TMEM123: variants seen among roughly 807,000 people sequenced by gnomAD.
The protein encoded by TMEM123 is porimin.
TMEM123 carries 16 observed loss-of-function variants against 19.7 expected under a neutral mutation model. The ratio of observed to expected loss-of-function variants is 0.81; its 90% CI spans 0.55 to 1.23. TMEM123 has a LOEUF of 1.23. Ranked by LOEUF, TMEM123 falls within the 50% of genes most tolerant of loss-of-function variation. The probability of loss-of-function intolerance (pLI) is 0.00; values close to 1 mark genes in which losing one functional copy is unlikely to be tolerated. For synonymous variants in TMEM123, 118 were observed against 99.4 expected, an observed-to-expected ratio of 1.19 and a Z score of -1.12; for missense variants, 313 against 257.8, an observed-to-expected ratio of 1.21 and a Z score of -1.47.
chr11:102,403,304 C>T (rs1951928573), intron 2 of TMEM123, among the ~76,000 whole-genome samples: 1 of 152,228 alleles, frequency 6.6e-6, no homozygotes, highest in South Asian at 2.1e-4. Context: ...GCCACCGTGC[C>T]CGGCCAATAC....
At chr11:102,436,723 G>GACA (rs1857766483) in intron 2 of TMEM123, among the ~76,000 whole-genome samples, 1 of 147,420 alleles carries the variant, frequency 6.8e-6, no homozygotes, top group African/African-American at 2.4e-5. Flanking sequence ...ACATGATGGG[G>GACA]TAAGTCATCA....
intron 2 of TMEM123, among the ~76,000 whole-genome samples, chr11:102,424,392 A>T (rs1033200107): frequency 1.3e-5 from 2 of 152,232 alleles, no homozygotes; most frequent in Non-Finnish European, 2.9e-5. Flanking sequence ...ACAGATTTGA[A>T]AATAAACTCA....
At chr11:102,403,146 G>A (rs1951927419) in intron 2 of TMEM123, among the ~76,000 whole-genome samples, 1 of 152,092 alleles carries the variant, frequency 6.6e-6, no homozygotes, top group Admixed American at 6.5e-5. Flanking sequence ...GAGTAGCTGG[G>A]ATTACAGGTG....
chr11:102,405,203 C>T (rs1046826805), intron 2 of TMEM123, among the ~76,000 whole-genome samples: 16 of 151,996 alleles, frequency 1.1e-4, no homozygotes, highest in African/African-American at 3.4e-4. Context: ...CGCCCACCAC[C>T]ACGCCTGGCT....
chr11:102,400,035 G>C (rs1364136031), intron 4 of TMEM123, among the ~76,000 whole-genome samples: 1 of 152,106 alleles, frequency 6.6e-6, no homozygotes, highest in Non-Finnish European at 1.5e-5. Flanking sequence ...ATAACTGTTA[G>C]ATCCAATTTT....
intron 2 of TMEM123, among the ~76,000 whole-genome samples, chr11:102,416,159 C>T (rs1373203162): frequency 6.6e-6 from 1 of 152,230 alleles, no homozygotes; most frequent in Non-Finnish European, 1.5e-5. Context: ...AGGTGATCCA[C>T]TCACCCTGGC....
chr11:102,439,149 C>G (rs1857797404), intron 2 of TMEM123, among the ~76,000 whole-genome samples: 1 of 152,154 alleles, frequency 6.6e-6, no homozygotes, highest in Admixed American at 6.5e-5. Flanking sequence ...TCTGTAGATT[C>G]CACCTCTGGG....
intron 1 of TMEM123, 193 bp from the exon 2 acceptor site, chr11:102,449,061 G>C (rs1857912349): frequency 1.9e-6 from 1 of 533,438 alleles, no homozygotes; most frequent in East Asian, 3.3e-5. Flanking sequence ...TGTATTACCA[G>C]GTTTTTCAAG....
intron 1 of TMEM123, among the ~76,000 whole-genome samples, chr11:102,451,990 G>T (rs1055647560): frequency 3.9e-5 from 6 of 152,222 alleles, no homozygotes; most frequent in Admixed American, 1.3e-4. Context: ...AGCTCCAAGA[G>T]CCCCGAAGTC....
At chr11:102,444,438 G>A (rs117983416) in intron 2 of TMEM123, among the ~76,000 whole-genome samples, 6,875 of 150,842 alleles carry the variant, frequency 0.046, 216 homozygotes, top group Non-Finnish European at 0.073. Flanking sequence ...AGCAAACTAC[G>A]GCAAGGAAGA....
intron 2 of TMEM123, among the ~76,000 whole-genome samples, chr11:102,426,962 T>C (rs1274107195): frequency 1.3e-5 from 2 of 149,880 alleles, no homozygotes; most frequent in Non-Finnish European, 3.0e-5. Context: ...AGTTCTATAG[T>C]TGGGATATTG....
chr11:102,409,219 A>T lies in TMEM123; in HGVS notation c.158-7013T>A, dbSNP rs150058502. ...CCTAGTATAGTTGTCAAAAGTACTAAGCTATTCAAGACATAAACCATAAAT... is the reference window on the plus strand; with the variant it reads ...CCTAGTATAGTTGTCAAAAGTACTATGCTATTCAAGACATAAACCATAAAT... On this transcript the variant is annotated intron_variant, in intron 2 of 4. Transcript: ENST00000398136. Among the ~76,000 whole-genome samples the T allele has an allele frequency of 6.5e-3, 986 of 152,300 alleles. 17 individuals are homozygous for T. The highest frequency in any genetic ancestry group is 0.022 in the African/African-American group (932 of 41,570).
intron 2 of TMEM123, among the ~76,000 whole-genome samples, chr11:102,436,284 T>G (rs1394059329): frequency 6.6e-6 from 1 of 151,916 alleles, no homozygotes; most frequent in Non-Finnish European, 1.5e-5. Flanking sequence ...TGCCTCAGCC[T>G]TCAGAGTAGC....
At chr11:102,399,192 C>T (rs563581335) in intron 4 of TMEM123, among the ~76,000 whole-genome samples, 27 of 152,296 alleles carry the variant, frequency 1.8e-4, no homozygotes, top group Non-Finnish European at 1.8e-4. Flanking sequence ...TGCTTATAAT[C>T]CCAGAACTCT....
At chr11:102,441,398 A>G (rs1356854044) in intron 2 of TMEM123, among the ~76,000 whole-genome samples, 1 of 152,174 alleles carries the variant, frequency 6.6e-6, no homozygotes, top group Non-Finnish European at 1.5e-5. Context: ...CTCACTCAAA[A>G]CCGCTCAACT....
chr11:102,425,649 T>G (rs1250954792), intron 2 of TMEM123, among the ~76,000 whole-genome samples: 1 of 150,440 alleles, frequency 6.6e-6, no homozygotes, highest in African/African-American at 2.5e-5. Context: ...AGTGGCATGG[T>G]TGCAGCTCAC....
intron 4 of TMEM123, among the ~76,000 whole-genome samples, chr11:102,400,155 G>C (rs1951899718): frequency 6.6e-6 from 1 of 152,178 alleles, no homozygotes; most frequent in Non-Finnish European, 1.5e-5. Flanking sequence ...TATGTGTACT[G>C]AATCATATGT....
intron 4 of TMEM123, 21 bp from the exon 5 acceptor site, chr11:102,398,912 C>G (rs1234362517): frequency 3.1e-6 from 5 of 1,600,620 alleles, no homozygotes; most frequent in South Asian, 2.3e-5. Flanking sequence ...TTAAAAGTTA[C>G]AATTACTTTG....
chr11:102,415,811 GAAAT>G (rs2135849782), intron 2 of TMEM123, among the ~76,000 whole-genome samples: 2 of 152,194 alleles, frequency 1.3e-5, no homozygotes, highest in South Asian at 4.1e-4. Flanking sequence ...CAGAAGAAAA[GAAAT>G]AACCAAAATC....
Sources: gnomAD v4.1 joint callset for allele counts (sites outside exome capture counted in the v4.1 genomes callset) on GRCh38, gnomAD v4.1.1 for gene constraint, MANE v1.5 for transcripts, NCBI Gene and HGNC (gene_info 2026-07-23, HGNC 2026-07-21) for gene names.